Variants in IL1RAPL1 observed in about 807,000 individuals in gnomAD.
IL1RAPL1 encodes interleukin 1 receptor accessory protein like 1, also known as interleukin-1 receptor accessory protein-like 1.
Under a neutral mutation model 48.4 loss-of-function variants are expected in IL1RAPL1, and 3 were observed. The observed-to-expected ratio is 0.06, with a 90% CI of 0.03 to 0.16. IL1RAPL1 has a LOEUF of 0.16. IL1RAPL1 is among the 10% of genes least tolerant of loss of function. The pLI, the probability that IL1RAPL1 is intolerant of heterozygous loss-of-function variation, is 1.00. For synonymous variants in IL1RAPL1, 185 were observed against 187.7 expected, an observed-to-expected ratio of 0.99 and a Z score of 0.12; for missense variants, 349 against 530.6, an observed-to-expected ratio of 0.66 and a Z score of 3.36.
intron 3 of IL1RAPL1, among the ~76,000 whole-genome samples, chrX:29,386,641 C>T (rs895104212): frequency 7.4e-5 from 8 of 108,031 alleles, no homozygotes; most frequent in Non-Finnish European, 1.5e-4. Context: ...TTCCAAGGCT[C>T]AGGTGATCCT....
chrX:29,781,148 A>G (rs1482628251), intron 6 of IL1RAPL1, among the ~76,000 whole-genome samples: 1 of 112,045 alleles, frequency 8.9e-6, no homozygotes, highest in Admixed American at 9.5e-5. Flanking sequence ...TCTGTCTTTG[A>G]GCTAATCATC....
At chrX:29,771,088 C>G (rs777410562) in intron 6 of IL1RAPL1, among the ~76,000 whole-genome samples, 1 of 112,294 alleles carries the variant, frequency 8.9e-6, no homozygotes, top group East Asian at 2.8e-4. Flanking sequence ...TTTCTACAAA[C>G]TTTACTACTA....
At chrX:29,604,372 C>G (rs769167949) in intron 5 of IL1RAPL1, among the ~76,000 whole-genome samples, 2 of 112,177 alleles carry the variant, frequency 1.8e-5, no homozygotes, top group Admixed American at 9.4e-5. Context: ...TCTAGTATTC[C>G]AATGGATTTG....
chrX:29,106,676 T>C (rs780497768), intron 2 of IL1RAPL1, among the ~76,000 whole-genome samples: 1 of 111,724 alleles, frequency 9.0e-6, no homozygotes, highest in African/African-American at 3.2e-5. Flanking sequence ...TATTACTTGG[T>C]AGCAGAGTGG....
intron 3 of IL1RAPL1, among the ~76,000 whole-genome samples, chrX:29,350,452 A>G (rs1004228935): frequency 9.4e-6 from 1 of 106,620 alleles, no homozygotes; most frequent in African/African-American, 3.5e-5. Context: ...ATCCCCAGCC[A>G]GGACCACTGT....
intron 6 of IL1RAPL1, among the ~76,000 whole-genome samples, chrX:29,767,961 A>C (rs2147149518): frequency 8.9e-6 from 1 of 111,820 alleles, no homozygotes; most frequent in South Asian, 3.7e-4. Context: ...AAATTAAAAA[A>C]AAAATCCTCC....
intron 2 of IL1RAPL1, among the ~76,000 whole-genome samples, chrX:28,932,023 C>CA (rs1923894946): frequency 9.3e-6 from 1 of 107,353 alleles, no homozygotes; most frequent in Non-Finnish European, 1.9e-5. Context: ...GTCTGGGTGA[C>CA]AGAGCGAGAC....
intron 2 of IL1RAPL1, among the ~76,000 whole-genome samples, chrX:28,924,652 A>G (rs1451885381): frequency 8.9e-6 from 1 of 111,896 alleles, no homozygotes; most frequent in East Asian, 2.8e-4. Flanking sequence ...ATGCCGAAAC[A>G]TGAATCCTGG....
At chrX:28,798,931 A>T (rs755065434) in intron 2 of IL1RAPL1, among the ~76,000 whole-genome samples, 2 of 111,989 alleles carry the variant, frequency 1.8e-5, no homozygotes, top group Non-Finnish European at 3.8e-5. Flanking sequence ...TTTAAGATTA[A>T]TCTGCACTCC....
At chrX:29,758,289 G>A (rs1296398056) in intron 6 of IL1RAPL1, among the ~76,000 whole-genome samples, 1 of 111,443 alleles carries the variant, frequency 9.0e-6, no homozygotes, top group Non-Finnish European at 1.9e-5. Flanking sequence ...AGATTTTGAT[G>A]AACATATGAG....
chrX:29,350,191 TTATATATATATATATATATATATA>T (rs397897010), intron 3 of IL1RAPL1, among the ~76,000 whole-genome samples: 19 of 39,432 alleles, frequency 4.8e-4, no homozygotes, highest in African/African-American at 3.1e-3. Context: ...TACTGTTATT[TTATATATATATATATATATATATA>T]TATATATATG....
intron 2 of IL1RAPL1, among the ~76,000 whole-genome samples, chrX:29,167,739 G>A (rs898605587): frequency 1.8e-5 from 2 of 110,453 alleles, no homozygotes; most frequent in Admixed American, 2.0e-4. Context: ...AATACAGGGT[G>A]AATAAAAGAC....
intron 5 of IL1RAPL1, among the ~76,000 whole-genome samples, chrX:29,418,888 G>T (rs1337100349): frequency 8.9e-6 from 1 of 112,061 alleles, no homozygotes; most frequent in East Asian, 2.8e-4. Context: ...ACCCAATAGT[G>T]TTGACCTGCC....
chrX:28,942,878 A>T (rs2147349879), intron 2 of IL1RAPL1, among the ~76,000 whole-genome samples: 1 of 110,472 alleles, frequency 9.1e-6, no homozygotes, highest in African/African-American at 3.3e-5. Context: ...TCATCTTAAC[A>T]GATAATATAT....
chrX:29,340,224 G>A (rs994441293), intron 3 of IL1RAPL1, among the ~76,000 whole-genome samples: 1 of 111,428 alleles, frequency 9.0e-6, no homozygotes, highest in Non-Finnish European at 1.9e-5. Context: ...AACATTCAGT[G>A]GCATTTAGAA....
At chrX:28,733,656 G>A (rs546444405) in intron 1 of IL1RAPL1, among the ~76,000 whole-genome samples, 4 of 111,074 alleles carry the variant, frequency 3.6e-5, no homozygotes, top group South Asian at 3.8e-4. Flanking sequence ...TGATTTTGTC[G>A]ACTCTCGTAG....
chrX:29,629,831 A>G (rs1924717452), intron 5 of IL1RAPL1, among the ~76,000 whole-genome samples: 1 of 111,952 alleles, frequency 8.9e-6, no homozygotes, highest in African/African-American at 3.2e-5. Context: ...ATCTCTTCCT[A>G]GCTTGGGTGG....
At chrX:29,656,133 C>T (rs1214575153) in intron 5 of IL1RAPL1, among the ~76,000 whole-genome samples, 4 of 111,917 alleles carry the variant, frequency 3.6e-5, no homozygotes, top group African/African-American at 1.3e-4. Context: ...TTGACAGTTA[C>T]CAAAAAAAAT....
intron 3 of IL1RAPL1, among the ~76,000 whole-genome samples, chrX:29,334,391 T>A (rs1197465507): frequency 4.0e-5 from 3 of 75,653 alleles, no homozygotes; most frequent in East Asian, 4.9e-4. Context: ...CACTTCCCAG[T>A]AGGGGCGGCC....
Sources: allele counts gnomAD v4.1 joint callset (sites outside exome capture counted in the v4.1 genomes callset), GRCh38; gene constraint gnomAD v4.1.1; transcripts MANE v1.5; gene names NCBI Gene and HGNC (gene_info 2026-07-23, HGNC 2026-07-21).